TUSC3: variants seen among roughly 807,000 people sequenced by gnomAD.
The protein encoded by TUSC3 is dolichyl-diphosphooligosaccharide--protein glycosyltransferase subunit TUSC3.
TUSC3 carries 45 observed loss-of-function variants against 44.8 expected under a neutral mutation model. That is an observed-to-expected ratio of 1.00 (90% CI 0.79 to 1.29). TUSC3 has a LOEUF of 1.29. TUSC3 is among the 50% of genes most tolerant of loss of function. The pLI, the probability that TUSC3 is intolerant of heterozygous loss-of-function variation, is 0.00. For missense variants in TUSC3, 519 were observed against 437.9 expected (o/e 1.19, Z -1.65); for synonymous variants, 212 against 152.9 (o/e 1.39, Z -2.85).
In TUSC3 at chr8:15,662,195, G is replaced by C. The variant is rs754922992; in HGVS notation, c.607G>C (p.Ala203Pro). Residue 203 changes from alanine to proline, a missense_variant, in exon 5 of 11, where the codon GCT (alanine) becomes CCT (proline). Ala to Pro is a conservative substitution (Grantham distance 27, BLOSUM62 -1). Coordinates refer to ENST00000503731, the MANE Select transcript of TUSC3 (RefSeq NM_006765.4). Reference sequence around the variant, plus strand: ...ACCACCCAACTACTCTGGTACCATTGCTTTGGCCCTGTTAGTGTCGCTTGT... The same window carrying C: ...ACCACCCAACTACTCTGGTACCATTCCTTTGGCCCTGTTAGTGTCGCTTGT... ...FRPPNYSGTIALALLVSLVGG... is the reference protein window; with the variant it reads ...FRPPNYSGTIPLALLVSLVGG... 6.2e-7 allele frequency: 1 copy of C among 1,613,074 alleles called. No homozygotes were observed.
Position 15,718,911 on chromosome 8 carries a change from G to A in TUSC3, c.799-11755G>A, listed in dbSNP as rs192524628. Among the ~76,000 whole-genome samples, 481 of 151,934 alleles carry A rather than the reference G, an allele frequency of 3.2e-3. 6 individuals are homozygous for A. The highest frequency in any genetic ancestry group is 0.011 in the African/African-American group (455 of 41,438). ...CACACAGTAAACAAGAAATCTTGTCGTTCTTCCTTCAAATATGTACATATA... is the reference window on the plus strand; with the variant it reads ...CACACAGTAAACAAGAAATCTTGTCATTCTTCCTTCAAATATGTACATATA... On this transcript the variant is annotated intron_variant, in intron 6 of 10. Coordinates refer to ENST00000503731, the MANE Select transcript of TUSC3 (RefSeq NM_006765.4).
chr8:15,780,927 A>C, the TUSC3 span, among the ~76,000 whole-genome samples: 1 of 152,260 alleles, frequency 6.6e-6, no homozygotes, highest in Non-Finnish European at 1.5e-5. Context: ...AATAGAATAG[A>C]GAAGAGGCTA....
At chr8:15,710,619 C>A (rs533950006) in intron 6 of TUSC3, among the ~76,000 whole-genome samples, 2 of 151,712 alleles carry the variant, frequency 1.3e-5, no homozygotes, top group Non-Finnish European at 1.5e-5. Flanking sequence ...GCTGAGCAAA[C>A]CCCCAGGCTA....
the TUSC3 span, among the ~76,000 whole-genome samples, chr8:15,833,862 T>A: frequency 6.6e-6 from 1 of 151,826 alleles, no homozygotes; most frequent in African/African-American, 2.4e-5. Flanking sequence ...AAAGGTGTTT[T>A]AAAGTGTGAG....
At chr8:15,667,584 A>G (rs922015872) in intron 5 of TUSC3, among the ~76,000 whole-genome samples, 6 of 151,760 alleles carry the variant, frequency 4.0e-5, no homozygotes, top group African/African-American at 1.4e-4. Flanking sequence ...TATTTTCTGC[A>G]TAGTTAGCAT....
intron 1 of TUSC3, among the ~76,000 whole-genome samples, chr8:15,450,023 C>T (rs1800172935): frequency 6.6e-6 from 1 of 152,052 alleles, no homozygotes; most frequent in Non-Finnish European, 1.5e-5. Flanking sequence ...TTTCTAAGTT[C>T]CCTCTGTGAT....
chr8:15,673,087 G>A (rs949487066), intron 5 of TUSC3, among the ~76,000 whole-genome samples: 1 of 152,002 alleles, frequency 6.6e-6, no homozygotes, highest in Admixed American at 6.6e-5. Flanking sequence ...GTGACTTCTG[G>A]TTTATGCATT....
chr8:15,554,349 G>A (rs1214663886), intron 1 of TUSC3, among the ~76,000 whole-genome samples: 2 of 151,702 alleles, frequency 1.3e-5, no homozygotes, highest in African/African-American at 2.4e-5. Context: ...GCAGAAGCTT[G>A]CAGCACCATT....
the TUSC3 span, among the ~76,000 whole-genome samples, chr8:15,820,824 CCT>C: frequency 6.6e-6 from 1 of 151,884 alleles, no homozygotes; most frequent in African/African-American, 2.4e-5. Flanking sequence ...TCAACTTTTC[CCT>C]CTTATGTTTT....
At chr8:15,553,617 G>A (rs1026344461) in intron 1 of TUSC3, among the ~76,000 whole-genome samples, 1 of 151,530 alleles carries the variant, frequency 6.6e-6, no homozygotes, top group Non-Finnish European at 1.5e-5. Context: ...ACAGTTCTTC[G>A]GATTTAGCAA....
the TUSC3 span, among the ~76,000 whole-genome samples, chr8:15,803,033 A>G: frequency 1.2e-3 from 186 of 152,340 alleles, no homozygotes; most frequent in Admixed American, 4.1e-3. Context: ...CAAAGAAGAC[A>G]GAGAATTAAA....
intron 8 of TUSC3, 105 bp from the exon 9 acceptor site, chr8:15,748,270 T>C: frequency 5.8e-6 from 5 of 858,716 alleles, no homozygotes; most frequent in Admixed American, 5.2e-5. Flanking sequence ...TACCATGAAC[T>C]GTTAAATGTA....
chr8:15,568,082 G>T (rs151269481), intron 1 of TUSC3, among the ~76,000 whole-genome samples: 24 of 152,206 alleles, frequency 1.6e-4, no homozygotes, highest in African/African-American at 4.6e-4. Flanking sequence ...GCACAAGGTT[G>T]GGAAAGTGAC....
chr8:15,775,950 AT>A, the TUSC3 span, among the ~76,000 whole-genome samples: 10 of 151,934 alleles, frequency 6.6e-5, no homozygotes, highest in Non-Finnish European at 1.5e-4. Context: ...AAAAGGAAAC[AT>A]TTAATATTTA....
At chr8:15,568,927 G>A (rs1485106789) in intron 1 of TUSC3, among the ~76,000 whole-genome samples, 1 of 151,354 alleles carries the variant, frequency 6.6e-6, no homozygotes, top group South Asian at 2.1e-4. Context: ...ATGGTTTTCT[G>A]GCAAGGCACA....
chr8:15,571,151 A>G (rs891072347), intron 1 of TUSC3, among the ~76,000 whole-genome samples: 2 of 151,422 alleles, frequency 1.3e-5, no homozygotes, highest in African/African-American at 2.4e-5. Context: ...ATGGGGTTTC[A>G]CCCTGTTGGC....
chr8:15,488,574 C>G (rs996323552), intron 2 of TUSC3, among the ~76,000 whole-genome samples: 1 of 152,140 alleles, frequency 6.6e-6, no homozygotes. Flanking sequence ...TTTATAAGCC[C>G]TAATCACCAG....
intron 1 of TUSC3, among the ~76,000 whole-genome samples, chr8:15,608,400 A>G (rs1163147146): frequency 1.3e-5 from 2 of 152,178 alleles, no homozygotes; most frequent in East Asian, 3.8e-4. Context: ...ATTGAACAAT[A>G]GTAGGGACAT....
chr8:15,838,282 A>G, the TUSC3 span, among the ~76,000 whole-genome samples: 11 of 152,302 alleles, frequency 7.2e-5, no homozygotes, highest in East Asian at 1.5e-3. Context: ...ACCCAATGTG[A>G]ACTTTCTTGG....
Sources: gnomAD v4.1 joint callset for allele counts (sites outside exome capture counted in the v4.1 genomes callset) on GRCh38, gnomAD v4.1.1 for gene constraint, MANE v1.5 for transcripts, NCBI Gene and HGNC (gene_info 2026-07-23, HGNC 2026-07-21) for gene names.